Variants in PTPRR observed in about 807,000 individuals in gnomAD.
The protein encoded by PTPRR is protein tyrosine phosphatase receptor type R.
Under a neutral mutation model 77.2 loss-of-function variants are expected in PTPRR, and 38 were observed. The observed-to-expected ratio is 0.49, with a 90% confidence interval of 0.38 to 0.65. The LOEUF is 0.65. Ranked by LOEUF, PTPRR falls within the 30% of genes least tolerant of loss-of-function variation. PTPRR has a pLI of 0.00. For synonymous variants in PTPRR, 299 were observed against 283.1 expected, an observed-to-expected ratio of 1.06 and a Z score of -0.57; for missense variants, 744 against 799.2, an observed-to-expected ratio of 0.93 and a Z score of 0.83.
intron 1 of PTPRR, among the ~76,000 whole-genome samples, chr12:70,897,097 G>A (rs1177254132): frequency 6.6e-6 from 1 of 151,592 alleles, no homozygotes; most frequent in East Asian, 1.9e-4. Flanking sequence ...CAATGTGGGA[G>A]GACTTCATGT....
chr12:70,735,641 GAC>G (rs1316419393), intron 6 of PTPRR, among the ~76,000 whole-genome samples: 1 of 152,202 alleles, frequency 6.6e-6, no homozygotes, highest in Non-Finnish European at 1.5e-5. Flanking sequence ...AAAAAGGTAA[GAC>G]ATGGTAGTTA....
In PTPRR at chr12:70,745,310, G is replaced by A. The variant is rs77668460; in HGVS notation, c.1007+508C>T. Among the ~76,000 whole-genome samples the A allele has an allele frequency of 9.9e-3, 1,501 of 152,312 alleles. 21 individuals carry two copies. Among genetic ancestry groups the A allele is most frequent in the African/African-American group, 0.033 (1,385 of 41,578 alleles). On this transcript the variant is annotated intron_variant, in intron 6 of 13. Transcript: ENST00000283228. The stretch of plus-strand genomic sequence containing the variant: ...CCCAAAGTACTTGGATTATAGGCGT[G>A]AGCCACTGCGCCCGTCCAGTGTCAT...
chr12:70,639,163 G>T lies in PTPRR; in HGVS notation c.*21C>A, dbSNP rs1377696106. 2 of 1,598,008 alleles carry T rather than the reference G, an allele frequency of 1.3e-6. No homozygotes were observed. The highest frequency in any genetic ancestry group is 8.6e-7 in the Non-Finnish European group (1 of 1,168,242). On this transcript the variant is annotated 3_prime_UTR_variant, in exon 14 of 14. Transcript: ENST00000283228. Reference sequence around the variant, plus strand: ...GATTAATCACCCCAAGAGATTGATGGTCTGACAAGTCTTCAATGACTCACT... The same window carrying T: ...GATTAATCACCCCAAGAGATTGATGTTCTGACAAGTCTTCAATGACTCACT...
chr12:70,666,946 T>G (rs1444433199), intron 10 of PTPRR, among the ~76,000 whole-genome samples: 7 of 79,822 alleles, frequency 8.8e-5, no homozygotes, highest in South Asian at 6.2e-4. Context: ...TTTTTTTTTT[T>G]TTTTTTTTTT....
At chr12:70,919,932 A>T (rs1185634763) in intron 1 of PTPRR, among the ~76,000 whole-genome samples, 1 of 151,700 alleles carries the variant, frequency 6.6e-6, no homozygotes, top group Non-Finnish European at 1.5e-5. Context: ...AGACCAAGAG[A>T]CCTTATGAAT....
chr12:70,911,818 C>T (rs1001088932), intron 1 of PTPRR, among the ~76,000 whole-genome samples: 3 of 150,184 alleles, frequency 2.0e-5, no homozygotes, highest in African/African-American at 7.4e-5. Flanking sequence ...CCAGTATTGG[C>T]ATAAACATAA....
At chr12:70,740,304 C>T (rs895599833) in intron 6 of PTPRR, among the ~76,000 whole-genome samples, 1 of 151,064 alleles carries the variant, frequency 6.6e-6, no homozygotes, top group Non-Finnish European at 1.5e-5. Flanking sequence ...GTTGGAGGAG[C>T]AAGAATCAAT....
chr12:70,832,071 T>C (rs1248781530), intron 2 of PTPRR, among the ~76,000 whole-genome samples: 1 of 152,224 alleles, frequency 6.6e-6, no homozygotes, highest in Non-Finnish European at 1.5e-5. Context: ...TAGGTAAGAA[T>C]AACAGAGAAG....
intron 1 of PTPRR, among the ~76,000 whole-genome samples, chr12:70,906,331 AT>A (rs1279448555): frequency 6.6e-6 from 1 of 151,794 alleles, no homozygotes; most frequent in East Asian, 1.9e-4. Context: ...CATGGTCCTG[AT>A]TTTTTTTCTA....
At chr12:70,767,061 C>T (rs974985971) in intron 2 of PTPRR, among the ~76,000 whole-genome samples, 19 of 151,882 alleles carry the variant, frequency 1.3e-4, no homozygotes, top group East Asian at 3.9e-4. Context: ...TGCAAAATCA[C>T]GCCAAAATGT....
At chr12:70,768,676 T>C (rs1890890290) in intron 2 of PTPRR, among the ~76,000 whole-genome samples, 1 of 152,240 alleles carries the variant, frequency 6.6e-6, no homozygotes, top group South Asian at 2.1e-4. Flanking sequence ...AGCATCATCC[T>C]GATACCAAAG....
chr12:70,722,044 A>G (rs1191047762), intron 6 of PTPRR, among the ~76,000 whole-genome samples: 1 of 152,180 alleles, frequency 6.6e-6, no homozygotes, highest in African/African-American at 2.4e-5. Flanking sequence ...GCATAGATGA[A>G]AAATGGCTAA....
At chr12:70,912,459 T>C (rs542306966) in intron 1 of PTPRR, among the ~76,000 whole-genome samples, 4 of 152,228 alleles carry the variant, frequency 2.6e-5, no homozygotes, top group Admixed American at 2.0e-4. Flanking sequence ...AAAATGGACA[T>C]TGCTTTAGAT....
intron 2 of PTPRR, among the ~76,000 whole-genome samples, chr12:70,856,274 C>T (rs1313740197): frequency 6.6e-6 from 1 of 152,084 alleles, no homozygotes; most frequent in Non-Finnish European, 1.5e-5. Flanking sequence ...AACTACAGGA[C>T]AATGGTACTG....
chr12:70,838,987 T>C (rs936847755), intron 2 of PTPRR, among the ~76,000 whole-genome samples: 1 of 152,196 alleles, frequency 6.6e-6, no homozygotes, highest in South Asian at 2.1e-4. Flanking sequence ...GCTATGGCTA[T>C]GTAACTAAAT....
chr12:70,862,691 G>A (rs955280605), intron 2 of PTPRR, among the ~76,000 whole-genome samples: 13 of 151,710 alleles, frequency 8.6e-5, no homozygotes, highest in Non-Finnish European at 1.9e-4. Flanking sequence ...GTATACATAT[G>A]TAACTAACCT....
chr12:70,693,701 G>A (rs1479918285), intron 8 of PTPRR, among the ~76,000 whole-genome samples: 8 of 148,752 alleles, frequency 5.4e-5, no homozygotes, highest in Non-Finnish European at 1.0e-4. Context: ...TATATAGCTT[G>A]TACTAAAAAA....
At chr12:70,842,633 G>T (rs1892415915) in intron 2 of PTPRR, among the ~76,000 whole-genome samples, 1 of 152,244 alleles carries the variant, frequency 6.6e-6, no homozygotes, top group South Asian at 2.1e-4. Context: ...CCTCCTTCTT[G>T]TGTCTTGTCT....
chr12:70,726,044 C>T (rs982438370), intron 6 of PTPRR, among the ~76,000 whole-genome samples: 10 of 151,104 alleles, frequency 6.6e-5, no homozygotes, highest in Non-Finnish European at 5.9e-5. Context: ...TCAACATCTT[C>T]TTTGTATGAC....
Sources: allele counts gnomAD v4.1 joint callset (sites outside exome capture counted in the v4.1 genomes callset), GRCh38; gene constraint gnomAD v4.1.1; transcripts MANE v1.5; gene names NCBI Gene and HGNC (gene_info 2026-07-23, HGNC 2026-07-21).